Variants in CLDN16 observed in about 807,000 individuals in gnomAD.
CLDN16 encodes the protein claudin-16.
Under a neutral mutation model 24.6 loss-of-function variants are expected in CLDN16, and 13 were observed. The ratio of observed to expected loss-of-function variants is 0.53; its 90% CI spans 0.34 to 0.84. The LOEUF is 0.84. CLDN16 is among the 40% of genes least tolerant of loss of function. The pLI, the probability that CLDN16 is intolerant of heterozygous loss-of-function variation, is 0.01. For synonymous variants in CLDN16, 116 were observed against 106.7 expected, an observed-to-expected ratio of 1.09 and a Z score of -0.54; for missense variants, 298 against 292.7, an observed-to-expected ratio of 1.02 and a Z score of -0.13.
intron 1 of CLDN16, among the ~76,000 whole-genome samples, chr3:190,359,918 A>G (rs900342540): frequency 1.3e-5 from 2 of 151,970 alleles, no homozygotes; most frequent in African/African-American, 2.4e-5. Context: ...AGAAACATGG[A>G]TCTCGAGTTT....
At position 190,404,931 on chromosome 3, in the gene CLDN16, C is replaced by T. The variant is rs756905865; in HGVS notation, c.382+5C>T. 16 of 1,613,636 alleles carry T rather than the reference C, an allele frequency of 9.9e-6. No homozygotes were observed. The highest frequency in any genetic ancestry group is 3.3e-5 in the Admixed American group (2 of 59,990). On this transcript the variant is annotated splice_donor_5th_base_variant and intron_variant, in intron 3 of 4. Transcript: ENST00000264734. The stretch of plus-strand genomic sequence containing the variant: ...GAGCCACGTTACTAATAGCAGGTAC[C>T]GGTCTGGCTGGACTAGCAACAGGGG...
At chr3:190,370,082 A>G (rs1411126060) in intron 1 of CLDN16, among the ~76,000 whole-genome samples, 1 of 151,956 alleles carries the variant, frequency 6.6e-6, no homozygotes, top group African/African-American at 2.4e-5. Context: ...CAAGAGCACT[A>G]AATGGGCCAT....
the CLDN16 span, among the ~76,000 whole-genome samples, chr3:190,299,565 A>T: frequency 0.58 from 87,309 of 151,450 alleles, 25,803 homozygotes; most frequent in African/African-American, 0.7. Context: ...TTTTATATTT[A>T]AGTCTTTAAC....
At chr3:190,308,689 C>A in the CLDN16 span, among the ~76,000 whole-genome samples, 1 of 152,030 alleles carries the variant, frequency 6.6e-6, no homozygotes, top group Non-Finnish European at 1.5e-5. Context: ...ACAAATAATT[C>A]CAAGGACTTT....
chr3:190,342,397 A>C (rs113463140), intron 1 of CLDN16, among the ~76,000 whole-genome samples: 5,960 of 152,266 alleles, frequency 0.039, 390 homozygotes, highest in African/African-American at 0.13. Context: ...AACATACAAA[A>C]ATCTGTGGGA....
rs569437331 is a variant in CLDN16 at position 190,371,841 on chromosome 3, G to T, written n.230+840G>T. Among the ~76,000 whole-genome samples, 13 of 152,018 alleles carry T rather than the reference G, an allele frequency of 8.6e-5. 1 individual carries two copies. Among genetic ancestry groups the T allele is most frequent in the African/African-American group, 2.7e-4 (11 of 41,508 alleles). ...TGCCAAAATTTCTGCCATTTTCCTT[G>T]GTTATGTAAATTGAGAGACACCAGA... On this transcript the variant is annotated intron_variant and non_coding_transcript_variant, in intron 2 of 4. Transcript: ENST00000468220.
At chr3:190,394,519 G>A (rs1038191957) in intron 1 of CLDN16, among the ~76,000 whole-genome samples, 17 of 152,012 alleles carry the variant, frequency 1.1e-4, no homozygotes, top group South Asian at 6.2e-4. Flanking sequence ...CAGCATGCCC[G>A]TTGATTATAT....
At chr3:190,374,556 G>T (rs538626867) in exon 3 of CLDN16, 3 of 151,688 alleles carry the variant, frequency 2.0e-5, no homozygotes, top group Admixed American at 6.6e-5. Flanking sequence ...CCACCTGTTT[G>T]GAAAACCATT....
At chr3:190,347,968 G>A (rs1717587357) in intron 1 of CLDN16, among the ~76,000 whole-genome samples, 1 of 151,854 alleles carries the variant, frequency 6.6e-6, no homozygotes, top group South Asian at 2.1e-4. Flanking sequence ...CATGGGCTGG[G>A]CGCGGTGGCT....
intron 1 of CLDN16, among the ~76,000 whole-genome samples, chr3:190,341,958 T>G (rs1181648559): frequency 6.6e-6 from 1 of 152,194 alleles, no homozygotes; most frequent in African/African-American, 2.4e-5. Flanking sequence ...TTTGCTCCAG[T>G]TCCCCAAAAG....
chr3:190,346,091 G>C (rs1331939365), intron 1 of CLDN16, among the ~76,000 whole-genome samples: 2 of 152,004 alleles, frequency 1.3e-5, no homozygotes, highest in Non-Finnish European at 2.9e-5. Flanking sequence ...CCTATGGCAC[G>C]TAAGACAGAG....
intron 1 of CLDN16, among the ~76,000 whole-genome samples, chr3:190,397,770 T>A (rs894380054): frequency 4.6e-5 from 7 of 152,234 alleles, no homozygotes; most frequent in Non-Finnish European, 7.3e-5. Flanking sequence ...CATTAATACC[T>A]AATGAAATTG....
chr3:190,290,791 G>C, the CLDN16 span, among the ~76,000 whole-genome samples: 1 of 152,144 alleles, frequency 6.6e-6, no homozygotes, highest in Non-Finnish European at 1.5e-5. Context: ...AAATGAAGAG[G>C]AATTAATTGC....
Position 190,402,436 on chromosome 3 carries a change from C to G in CLDN16, c.214C>G (p.Pro72Ala). ...DEYDSILAEH[P>A]LKLVVTRALM... is the part of the protein sequence containing the mutation. ...GTACGATTCCATACTTGCGGAGCAT[C>G]CCTGTACGTATGCCTTAGAGCTCAC... Residue 72 changes from proline (P) to alanine (A), a missense_variant, in exon 2 of 5, where the codon CCC becomes GCC. Physicochemically the swap from Pro to Ala is conservative, Grantham distance 27. Coordinates refer to ENST00000264734, the MANE Select transcript of CLDN16 (RefSeq NM_006580.4). 1 of 1,610,278 alleles carries G rather than the reference C, an allele frequency of 6.2e-7. No homozygotes were observed. Among genetic ancestry groups the G allele is most frequent in the Non-Finnish European group, 8.5e-7 (1 of 1,176,690 alleles).
At chr3:190,402,827 C>A (rs2108671259) in intron 2 of CLDN16, among the ~76,000 whole-genome samples, 1 of 152,146 alleles carries the variant, frequency 6.6e-6, no homozygotes, top group Admixed American at 6.5e-5. Context: ...ATGTTTTAAG[C>A]TATGACTTAG....
chr3:190,350,560 G>A (rs1439663650), intron 1 of CLDN16, among the ~76,000 whole-genome samples: 1 of 152,086 alleles, frequency 6.6e-6, no homozygotes, highest in Non-Finnish European at 1.5e-5. Context: ...CACAGGTAAA[G>A]GGAAAGGCCT....
chr3:190,322,301 C>A, upstream of CLDN16: 2 of 1,123,780 alleles, frequency 1.8e-6, no homozygotes, highest in Non-Finnish European at 2.6e-6. Context: ...GGTGGCTGGG[C>A]CCCGCGGAGG....
chr3:190,377,150 AT>A (rs1718264055), intron 3 of CLDN16, among the ~76,000 whole-genome samples: 1 of 151,944 alleles, frequency 6.6e-6, no homozygotes, highest in South Asian at 2.1e-4. Flanking sequence ...CAGGGTACAT[AT>A]TAGGGATGCA....
In CLDN16 at chr3:190,411,305, G is replaced by A. The variant is rs1271908394; in HGVS notation, c.*1269G>A. 6.6e-6 allele frequency: 1 copy of A among 151,934 alleles called. No homozygotes were observed. The highest frequency in any genetic ancestry group is 2.4e-5 in the African/African-American group (1 of 41,360). The allele number at this position is 151,934 out of a possible 1,614,324, so 9.4% of individuals were successfully genotyped here. A position where few individuals can be genotyped will look rare whatever the true frequency, so the allele number is the denominator to read the frequency against. On this transcript the variant is annotated 3_prime_UTR_variant, in exon 5 of 5. Coordinates refer to ENST00000264734, the MANE Select transcript of CLDN16 (RefSeq NM_006580.4). Reference sequence around the variant, plus strand: ...AAATAAATATTCTTCATAAAATGTGGGTTTTGGGGAAAATATAGAATTACA... The same window carrying A: ...AAATAAATATTCTTCATAAAATGTGAGTTTTGGGGAAAATATAGAATTACA...
Sources: allele counts gnomAD v4.1 joint callset (sites outside exome capture counted in the v4.1 genomes callset), GRCh38; gene constraint gnomAD v4.1.1; transcripts MANE v1.5; gene names NCBI Gene and HGNC (gene_info 2026-07-23, HGNC 2026-07-21).